Variants in FRAS1 observed in about 807,000 individuals in gnomAD.
FRAS1 encodes the protein extracellular matrix organizing protein FRAS1.
FRAS1 carries 290 observed loss-of-function variants against 435.2 expected under a neutral mutation model. That is an observed-to-expected ratio of 0.67 (90% CI 0.61 to 0.73). The LOEUF (loss-of-function observed/expected upper bound fraction) is 0.73. FRAS1 is among the 30% of genes least tolerant of loss of function. The pLI is 0.00. For synonymous variants in FRAS1, 1,800 were observed against 1,851.0 expected, an observed-to-expected ratio of 0.97 and a Z score of 0.71; for missense variants, 4,860 against 5,001.5, an observed-to-expected ratio of 0.97 and a Z score of 0.85.
chr4:78,164,558 G>A (rs1281379877), intron 2 of FRAS1, among the ~76,000 whole-genome samples: 1 of 151,932 alleles, frequency 6.6e-6, no homozygotes, highest in Non-Finnish European at 1.5e-5. Context: ...TCTTACCTGA[G>A]ATAATGTCTT....
intron 2 of FRAS1, among the ~76,000 whole-genome samples, chr4:78,195,159 G>A (rs1350150521): frequency 5.3e-5 from 8 of 152,180 alleles, no homozygotes; most frequent in South Asian, 4.1e-4. Context: ...GTACCCGGCC[G>A]TGTGAGGTGT....
At chr4:78,193,700 A>T (rs1351546720) in intron 2 of FRAS1, among the ~76,000 whole-genome samples, 1 of 152,198 alleles carries the variant, frequency 6.6e-6, no homozygotes, top group Admixed American at 6.5e-5. Flanking sequence ...AATACAGCAC[A>T]CTGATGGGTC....
At chr4:78,283,041 C>T (rs1176153302) in intron 12 of FRAS1, 74 bp downstream of exon 12, 2 of 1,156,486 alleles carry the variant, frequency 1.7e-6, no homozygotes, top group Admixed American at 4.0e-5. Context: ...CTTCCCCACC[C>T]CCTTGCTTCT....
Position 78,448,323 on chromosome 4 carries a change from C to G in FRAS1, c.6274+7C>G. Reference sequence around the variant, plus strand: ...GGCCTACAGCTCTCAGCAGGTACCACAGAAATAAAGGAGAGTGGCCATGGT... The same window carrying G: ...GGCCTACAGCTCTCAGCAGGTACCAGAGAAATAAAGGAGAGTGGCCATGGT... On this transcript the variant is annotated splice_region_variant and intron_variant, in intron 44 of 73. Transcript: ENST00000512123. 6.3e-7 allele frequency: 1 copy of G among 1,595,826 alleles called. No homozygotes were observed. Among genetic ancestry groups the G allele is most frequent in the Non-Finnish European group, 8.5e-7 (1 of 1,170,412 alleles).
chr4:78,135,295 T>A (rs905392893), intron 2 of FRAS1, among the ~76,000 whole-genome samples: 1 of 152,212 alleles, frequency 6.6e-6, no homozygotes, highest in Non-Finnish European at 1.5e-5. Flanking sequence ...TGCCTCTGTG[T>A]TCCTTCTCCT....
intron 9 of FRAS1, among the ~76,000 whole-genome samples, chr4:78,276,262 TC>T (rs1490344000): frequency 1.3e-5 from 2 of 152,212 alleles, no homozygotes; most frequent in Non-Finnish European, 2.9e-5. Context: ...GGATTTGAAC[TC>T]CCTCCTTTAG....
intron 2 of FRAS1, among the ~76,000 whole-genome samples, chr4:78,217,234 C>T (rs1312457698): frequency 6.6e-6 from 1 of 152,188 alleles, no homozygotes; most frequent in Non-Finnish European, 1.5e-5. Context: ...TGCCCTCCCT[C>T]ATTGATCTTG....
chr4:78,188,925 G>A lies in FRAS1; in HGVS notation c.109-48585G>A, dbSNP rs116701923. The stretch of plus-strand genomic sequence containing the variant: ...CAGTCATAAAAACACCATTATGGGT[G>A]AAAAACAGCTCAAAGTATGTGCCCT... On this transcript the variant is annotated intron_variant, in intron 2 of 73. Transcript: ENST00000512123. 4.2e-3 allele frequency among the ~76,000 whole-genome samples: 644 copies of A among 152,308 alleles called. 6 individuals carry two copies. Among genetic ancestry groups the A allele is most frequent in the African/African-American group, 0.015 (626 of 41,554 alleles).
intron 2 of FRAS1, chr4:78,071,177 C>A (rs1740331945): frequency 6.6e-6 from 1 of 152,180 alleles, no homozygotes; most frequent in Non-Finnish European, 1.5e-5. Context: ...ATATATAACA[C>A]TGCAGGAAAA....
intron 47 of FRAS1, among the ~76,000 whole-genome samples, chr4:78,453,851 G>T (rs529290758): frequency 6.6e-6 from 1 of 152,236 alleles, no homozygotes; most frequent in African/African-American, 2.4e-5. Context: ...GAACATAGAG[G>T]CAGTGACAGC....
chr4:78,249,663 G>A (rs1194019022), intron 4 of FRAS1, among the ~76,000 whole-genome samples: 1 of 152,064 alleles, frequency 6.6e-6, no homozygotes, highest in Non-Finnish European at 1.5e-5. Flanking sequence ...CAGGCTTTTG[G>A]GAAGGGAGAA....
intron 9 of FRAS1, among the ~76,000 whole-genome samples, chr4:78,275,465 T>G (rs1428905017): frequency 6.6e-6 from 1 of 152,212 alleles, no homozygotes; most frequent in African/African-American, 2.4e-5. Flanking sequence ...GTTGTTCCTT[T>G]CCATGTTTAG....
At chr4:78,512,529 C>T (rs1371726522) in intron 64 of FRAS1, among the ~76,000 whole-genome samples, 2 of 152,000 alleles carry the variant, frequency 1.3e-5, no homozygotes, top group African/African-American at 2.4e-5. Flanking sequence ...AAAAATGCAA[C>T]CCATAAGTAC....
Position 78,333,279 on chromosome 4 carries a change from C to A in FRAS1, c.2145C>A (p.His715Gln). ...GCTTTATCTTTCCCCCAGCTTGCCA[C>A]CAGTCCTGTTTCAGATGTGCAGGGA... The part of the protein sequence containing the change: ...LESTGICEAC[H>Q]QSCFRCAGKS... The change falls in exon 19 of 74, where the codon CAC (histidine) becomes CAA (glutamine). Residue 715 changes from histidine (H) to glutamine (Q), a missense_variant. Transcript: ENST00000512123. The A allele has an allele frequency of 1.9e-6, 3 of 1,605,682 alleles. No individual in the cohort carries two copies. Among genetic ancestry groups the A allele is most frequent in the Non-Finnish European group, 2.6e-6 (3 of 1,176,026 alleles).
At chr4:78,462,333 TCA>T (rs1224051836) in intron 47 of FRAS1, among the ~76,000 whole-genome samples, 1 of 151,552 alleles carries the variant, frequency 6.6e-6, no homozygotes, top group African/African-American at 2.4e-5. Flanking sequence ...TAAGATTGTG[TCA>T]CTGCACTCCA....
chr4:78,324,915 A>G (rs1400292627), intron 18 of FRAS1, among the ~76,000 whole-genome samples: 1 of 152,082 alleles, frequency 6.6e-6, no homozygotes, highest in African/African-American at 2.4e-5. Context: ...GGAGTCTTTC[A>G]ATTTCCATGC....
At chr4:78,295,357 C>A (rs1034405092) in intron 14 of FRAS1, among the ~76,000 whole-genome samples, 1 of 152,200 alleles carries the variant, frequency 6.6e-6, no homozygotes, top group African/African-American at 2.4e-5. Flanking sequence ...AATTTGTACT[C>A]TTACCAGAAA....
chr4:78,470,320 A>G (rs1447970355), intron 51 of FRAS1, among the ~76,000 whole-genome samples: 1 of 152,198 alleles, frequency 6.6e-6, no homozygotes, highest in Admixed American at 6.5e-5. Context: ...ACCCCAAAAT[A>G]TAGTAGGTCA....
At chr4:78,249,064 C>CATATATATATATATATATATATATATAT (rs200267733) in intron 4 of FRAS1, among the ~76,000 whole-genome samples, 1 of 16,638 alleles carries the variant, frequency 6.0e-5, no homozygotes, top group Non-Finnish European at 2.1e-4. Context: ...TATATATATG[C>CATATATATATATATATATATATATATAT]ATATATATAT....
Sources: gnomAD v4.1 joint callset for allele counts (sites outside exome capture counted in the v4.1 genomes callset) on GRCh38, gnomAD v4.1.1 for gene constraint, MANE v1.5 for transcripts, NCBI Gene and HGNC (gene_info 2026-07-23, HGNC 2026-07-21) for gene names.